GMDS: variants seen among roughly 807,000 people sequenced by gnomAD.
GMDS encodes the protein GDP-mannose 4,6 dehydratase.
A neutral mutation model predicts 49.9 loss-of-function variants in GMDS; 20 were observed. The ratio of observed to expected loss-of-function variants is 0.40; its 90% CI spans 0.28 to 0.58. The LOEUF is 0.58. GMDS is among the 20% of genes least tolerant of loss of function. The pLI, the probability that GMDS is intolerant of heterozygous loss-of-function variation, is 0.42. For missense variants in GMDS, 362 were observed against 481.4 expected, an observed-to-expected ratio of 0.75 and a Z score of 2.32; for synonymous variants, 177 against 178.6, an observed-to-expected ratio of 0.99 and a Z score of 0.07.
At chr6:1,939,594 CACACATATACACAT>C (rs775852050) in intron 6 of GMDS, among the ~76,000 whole-genome samples, 2 of 146,286 alleles carry the variant, frequency 1.4e-5, no homozygotes, top group Middle Eastern at 3.6e-3. Context: ...CACACACACA[CACACATATACACAT>C]ACACACACAC....
intron 1 of GMDS, among the ~76,000 whole-genome samples, chr6:2,137,403 G>A (rs1256960938): frequency 6.9e-6 from 1 of 144,216 alleles, no homozygotes; most frequent in East Asian, 2.1e-4. Flanking sequence ...GCACGATCTT[G>A]GCTCACTGCA....
chr6:1,695,983 G>A (rs1765327325), intron 9 of GMDS, among the ~76,000 whole-genome samples: 1 of 145,238 alleles, frequency 6.9e-6, no homozygotes, highest in Non-Finnish European at 1.5e-5. Context: ...GAGAGTGAGA[G>A]CACCAAGTTG....
chr6:1,862,473 C>G (rs992113176), intron 7 of GMDS, among the ~76,000 whole-genome samples: 1 of 152,152 alleles, frequency 6.6e-6, no homozygotes, highest in Non-Finnish European at 1.5e-5. Context: ...ATCAAGCTAT[C>G]AAAGAGAATC....
At chr6:1,746,297 T>C (rs916514935) in intron 7 of GMDS, among the ~76,000 whole-genome samples, 5 of 152,228 alleles carry the variant, frequency 3.3e-5, no homozygotes, top group African/African-American at 1.2e-4. Flanking sequence ...TTTGAGGATG[T>C]GACTGACTTG....
chr6:1,995,944 C>T (rs2127371232), intron 4 of GMDS, among the ~76,000 whole-genome samples: 1 of 152,306 alleles, frequency 6.6e-6, no homozygotes, highest in South Asian at 2.1e-4. Context: ...CACATGCTAA[C>T]TCAAGCATGC....
intron 6 of GMDS, among the ~76,000 whole-genome samples, chr6:1,939,266 A>G (rs1762697446): frequency 6.6e-6 from 1 of 151,780 alleles, no homozygotes; most frequent in African/African-American, 2.4e-5. Flanking sequence ...ATTTAGTGAG[A>G]GTTCATGTTT....
At chr6:2,113,436 G>A (rs1257758465) in intron 4 of GMDS, among the ~76,000 whole-genome samples, 4 of 151,348 alleles carry the variant, frequency 2.6e-5, no homozygotes, top group Non-Finnish European at 4.4e-5. Context: ...GCACAGCCCA[G>A]CTTCCTACCT....
At chr6:1,877,122 G>A (rs1759108197) in intron 7 of GMDS, among the ~76,000 whole-genome samples, 1 of 151,902 alleles carries the variant, frequency 6.6e-6, no homozygotes, top group African/African-American at 2.4e-5. Context: ...GTGATGGAAG[G>A]GAATGAATTC....
At chr6:2,131,488 C>T (rs1581692553) in intron 1 of GMDS, among the ~76,000 whole-genome samples, 1 of 152,150 alleles carries the variant, frequency 6.6e-6, no homozygotes, top group East Asian at 1.9e-4. Flanking sequence ...AATTCTTCAA[C>T]TCTATGATGG....
intron 7 of GMDS, among the ~76,000 whole-genome samples, chr6:1,835,944 G>A (rs115313607): frequency 0.019 from 2,874 of 152,112 alleles, 92 homozygotes; most frequent in African/African-American, 0.065. Context: ...GAGTGCAGTA[G>A]CGCTATCTGT....
intron 6 of GMDS, among the ~76,000 whole-genome samples, chr6:1,942,407 G>C (rs1381407809): frequency 6.6e-6 from 1 of 152,072 alleles, no homozygotes; most frequent in Non-Finnish European, 1.5e-5. Flanking sequence ...GGTTCTAATG[G>C]GAGTAGCCTA....
At chr6:1,931,536 T>C (rs1054015779) in intron 6 of GMDS, among the ~76,000 whole-genome samples, 2 of 152,238 alleles carry the variant, frequency 1.3e-5, no homozygotes, top group African/African-American at 2.4e-5. Context: ...GAGGTTTATA[T>C]AGCACATAGA....
intron 4 of GMDS, among the ~76,000 whole-genome samples, chr6:1,991,707 G>T (rs1399970200): frequency 6.6e-6 from 1 of 152,084 alleles, no homozygotes; most frequent in Non-Finnish European, 1.5e-5. Context: ...GCCTAGTGTG[G>T]GATTGAACAG....
intron 1 of GMDS, among the ~76,000 whole-genome samples, chr6:2,184,089 G>A (rs1684250552): frequency 6.6e-6 from 1 of 152,142 alleles, no homozygotes; most frequent in African/African-American, 2.4e-5. Flanking sequence ...TGGGATCACA[G>A]TGGTCTGGAA....
At chr6:1,733,146 G>A (rs1766879540) in intron 8 of GMDS, among the ~76,000 whole-genome samples, 1 of 152,230 alleles carries the variant, frequency 6.6e-6, no homozygotes, top group Non-Finnish European at 1.5e-5. Context: ...CAACATTCCA[G>A]ATCCTGCACC....
At chr6:1,924,940 G>A (rs1561895276) in intron 7 of GMDS, among the ~76,000 whole-genome samples, 1 of 137,892 alleles carries the variant, frequency 7.3e-6, no homozygotes, top group Non-Finnish European at 1.6e-5. Flanking sequence ...CCCGGGCGAC[G>A]GCGAGACTCC....
intron 2 of GMDS, among the ~76,000 whole-genome samples, chr6:2,120,430 T>A (rs1006798252): frequency 2.6e-5 from 4 of 151,466 alleles, no homozygotes; most frequent in South Asian, 2.1e-4. Context: ...AGAAAGAAAG[T>A]ATCTCCATGT....
chr6:2,168,167 T>G (rs1392668379), intron 1 of GMDS, among the ~76,000 whole-genome samples: 1 of 152,196 alleles, frequency 6.6e-6, no homozygotes, highest in Non-Finnish European at 1.5e-5. Context: ...TGCCTGCTCT[T>G]TCCCTTCCTT....
chr6:1,728,044 G>T (rs1429564392), intron 8 of GMDS, among the ~76,000 whole-genome samples: 3 of 152,220 alleles, frequency 2.0e-5, no homozygotes, highest in Non-Finnish European at 2.9e-5. Context: ...TGGTAGGTAG[G>T]ATCAGAGCTA....
Sources: allele counts gnomAD v4.1 joint callset (sites outside exome capture counted in the v4.1 genomes callset), GRCh38; gene constraint gnomAD v4.1.1; transcripts MANE v1.5; gene names NCBI Gene and HGNC (gene_info 2026-07-23, HGNC 2026-07-21).